Variants in TMIE observed in about 807,000 individuals in gnomAD.
TMIE encodes the protein transmembrane inner ear.
TMIE carries 14 observed loss-of-function variants against 16.8 expected under a neutral mutation model. That is an observed-to-expected ratio of 0.83 (90% confidence interval 0.55 to 1.30). TMIE has a LOEUF of 1.30. TMIE is among the 50% of genes most tolerant of loss of function. The pLI is 0.00. For missense variants in TMIE, 204 were observed against 205.9 expected (o/e 0.99, Z 0.06); for synonymous variants, 75 against 87.2 (o/e 0.86, Z 0.78).
chr3:46,709,436 T>C (rs1559497224), intron 3 of TMIE, 143 bp from the exon 4 acceptor site: 1 of 1,604,400 alleles, frequency 6.2e-7, no homozygotes. Context: ...ATGAGGCAAA[T>C]AGAACGATGA....
rs985713185 is a variant in TMIE at position 46,709,896 on chromosome 3, C to T, written c.*208C>T. 2.1e-5 allele frequency: 21 copies of T among 1,002,524 alleles called. No homozygotes were observed. The highest frequency in any genetic ancestry group is 2.9e-5 in the Non-Finnish European group (20 of 692,180). The allele number at this position is 1,002,524 out of a possible 1,614,324, so 62.1% of individuals were successfully genotyped here. A position where few individuals can be genotyped will look rare whatever the true frequency, so the allele number is the denominator to read the frequency against. On this transcript the variant is annotated 3_prime_UTR_variant, in exon 4 of 4. Coordinates refer to ENST00000643606, the MANE Select transcript of TMIE (RefSeq NM_147196.3). ...CTGCCCCCCAGCCTAGGCTTGGCTC[C>T]TTTCACCCCATCCACATGGGTACTG...
rs1296796466 is a variant in TMIE, at chr3:46,701,800, A to AC, written c.93+223dup. Among the ~76,000 whole-genome samples the AC allele has an allele frequency of 6.6e-6, 1 of 152,214 alleles. No individual in the cohort carries two copies. The highest frequency in any genetic ancestry group is 2.1e-4 in the South Asian group (1 of 4,814). On this transcript the variant is annotated intron_variant, in intron 1 of 3. Coordinates refer to ENST00000643606, the MANE Select transcript of TMIE (RefSeq NM_147196.3). This position sits in a 1 kb window ranked among gnomAD's most constrained non-coding sequence, Gnocchi z 4.3. ...CCCTGGTCTGATGGAAGGGCACAGT[A>AC]CCCGATTTCTGGAACATTAGTCTGA...
At chr3:46,703,859 T>C (rs997609722) in intron 1 of TMIE, among the ~76,000 whole-genome samples, 4 of 152,152 alleles carry the variant, frequency 2.6e-5, no homozygotes, top group Non-Finnish European at 5.9e-5. Context: ...AACTACAGGT[T>C]GCCTTTCTTC....
intron 1 of TMIE, among the ~76,000 whole-genome samples, chr3:46,702,509 C>T (rs1049562398): frequency 2.0e-5 from 3 of 152,000 alleles, no homozygotes; most frequent in Admixed American, 1.3e-4. Flanking sequence ...ATTGTGAGGC[C>T]AGAGGGAGAA....
At chr3:46,700,300 G>A (rs993852306), upstream of TMIE, among the ~76,000 whole-genome samples, 9 of 152,146 alleles carry the variant, frequency 5.9e-5, no homozygotes, top group African/African-American at 1.7e-4. Context: ...GCAGGTGACC[G>A]CAGGTGGCCC....
upstream of TMIE, among the ~76,000 whole-genome samples, chr3:46,696,489 A>G (rs7634963): frequency 0.29 from 43,612 of 152,126 alleles, 6,580 homozygotes; most frequent in African/African-American, 0.38. Context: ...TGATGAGGTC[A>G]GGGACAGCCA....
upstream of TMIE, chr3:46,701,299 G>A (rs921484882): frequency 4.3e-6 from 2 of 463,178 alleles, no homozygotes; most frequent in Admixed American, 4.5e-5. The surrounding 1 kb of genome is among the most constrained non-coding windows in gnomAD (Gnocchi z 4.3). Flanking sequence ...GGGAAGGAGG[G>A]GGCGGGCCCT....
At position 46,704,633 on chromosome 3, in the gene TMIE, G is replaced by A. The variant is rs528588302; in HGVS notation, c.94-1157G>A. ...TGGACCATGTCCCCTAGACACCCAG[G>A]GTGGACCATGTCCCCTAGACACCCA... On this transcript the variant is annotated intron_variant, in intron 1 of 3. Coordinates refer to ENST00000643606, the MANE Select transcript of TMIE (RefSeq NM_147196.3). Among the ~76,000 whole-genome samples the A allele has an allele frequency of 8.0e-5, 12 of 150,928 alleles. No homozygotes were observed. The South Asian group carries it at 2.1e-3, about 26-fold the overall frequency.
At chr3:46,696,716 C>T (rs576291598), upstream of TMIE, among the ~76,000 whole-genome samples, 171 of 152,324 alleles carry the variant, frequency 1.1e-3, 1 homozygote, top group African/African-American at 3.9e-3. Flanking sequence ...CTGCCTTGCT[C>T]ACAGCTTCCA....
intron 2 of TMIE, among the ~76,000 whole-genome samples, chr3:46,708,573 G>T (rs760376160): frequency 1.3e-5 from 2 of 152,266 alleles, no homozygotes; most frequent in Non-Finnish European, 2.9e-5. Context: ...TCCGTCTGAG[G>T]TGAATGCCTC....
chr3:46,701,331 CG>C, upstream of TMIE: 2 of 539,362 alleles, frequency 3.7e-6, no homozygotes, highest in Non-Finnish European at 6.2e-6. This position sits in a 1 kb window ranked among gnomAD's most constrained non-coding sequence, Gnocchi z 4.3. Flanking sequence ...ATGGCGGGGG[CG>C]GGCGGCGCGG....
intron 1 of TMIE, among the ~76,000 whole-genome samples, chr3:46,703,775 TGAA>T (rs373739783): frequency 4.5e-4 from 68 of 152,230 alleles, no homozygotes; most frequent in African/African-American, 9.2e-4. Context: ...ATTCACTAGA[TGAA>T]GAAGCGCCTG....
chr3:46,694,009 G>A (rs1263279887), upstream of TMIE, among the ~76,000 whole-genome samples: 1 of 152,030 alleles, frequency 6.6e-6, no homozygotes, highest in African/African-American at 2.4e-5. Context: ...CCCCTGCAAG[G>A]CTCCGAGGCC....
At chr3:46,701,001 C>T (rs1251886313), upstream of TMIE, among the ~76,000 whole-genome samples, 6 of 151,872 alleles carry the variant, frequency 4.0e-5, no homozygotes, top group South Asian at 2.1e-4. The surrounding 1 kb of genome is among the most constrained non-coding windows in gnomAD (Gnocchi z 4.3). Flanking sequence ...CATCCCTGAG[C>T]GCCTGTCACC....
upstream of TMIE, among the ~76,000 whole-genome samples, chr3:46,697,910 T>C (rs748328009): frequency 3.3e-5 from 5 of 152,166 alleles, no homozygotes; most frequent in South Asian, 4.1e-4. Context: ...GGAAAAGATA[T>C]AGTTTGAGAG....
intron 2 of TMIE, among the ~76,000 whole-genome samples, chr3:46,706,653 G>A (rs765044311): frequency 6.6e-6 from 1 of 152,096 alleles, no homozygotes; most frequent in Non-Finnish European, 1.5e-5. Flanking sequence ...CCCTGCAAAG[G>A]CATCACAGAG....
chr3:46,705,697 T>C (rs1700542514), intron 1 of TMIE, 93 bp from the exon 2 acceptor site: 1 of 1,035,326 alleles, frequency 9.7e-7, no homozygotes, highest in South Asian at 1.3e-5. Flanking sequence ...CTGATATGCT[T>C]GGGCTGAGTG....
Position 46,709,294 on chromosome 3 carries a change from G to C in TMIE, c.361+19G>C, listed in dbSNP as rs1575470526. The stretch of plus-strand genomic sequence containing the variant: ...CCAGGAGGTGAGTTGGCCCTGGCTT[G>C]AGCCCTGCTGCGCCAGCCAGTTCCT... On this transcript the variant is annotated intron_variant, in intron 3 of 3. Transcript: ENST00000643606. The C allele has an allele frequency of 6.2e-7, 1 of 1,613,636 alleles. No homozygotes were observed.
At position 46,709,671 on chromosome 3, in the gene TMIE, A is replaced by G. The variant is rs759543854; in HGVS notation, c.454A>G (p.Lys152Glu). The G allele has an allele frequency of 1.9e-6, 3 of 1,613,858 alleles. No homozygotes were observed. In the African/African-American group the frequency reaches 4.0e-5, roughly 22 times the overall value. ...GGATGAGAAGAATGAGGCCAAGAAG[A>G]AGAAAGGAGAGAAATGAAGACATCC... ...EEDEKNEAKK[K>E]KGEK is the part of the protein sequence containing the mutation. The change falls in exon 4 of 4, where the codon AAG becomes GAG. Residue 152 changes from lysine to glutamate, a missense_variant. By Grantham distance (56) the Lys-to-Glu change is moderately conservative. Transcript: ENST00000643606.
Sources: gnomAD v4.1 joint callset for allele counts (sites outside exome capture counted in the v4.1 genomes callset) on GRCh38, gnomAD v4.1.1 for gene constraint, Gnocchi (gnomAD v3.1) non-coding constraint, MANE v1.5 for transcripts, NCBI Gene and HGNC (gene_info 2026-07-23, HGNC 2026-07-21) for gene names.